The following TMPRSS11D variants were observed in gnomAD, a reference collection of about 807,000 sequenced individuals.
TMPRSS11D encodes the protein transmembrane serine protease 11D, also known as transmembrane protease serine 11D.
A neutral mutation model predicts 44.4 loss-of-function variants in TMPRSS11D; 32 were observed. That is an observed-to-expected ratio of 0.72 (90% confidence interval 0.54 to 0.97). The LOEUF is 0.97. Among genes scored for constraint, TMPRSS11D ranks in the 50% least tolerant of loss-of-function variants. The pLI is 0.00. For synonymous variants in TMPRSS11D, 179 were observed against 177.9 expected (o/e 1.01, Z -0.05); for missense variants, 446 against 502.6 (o/e 0.89, Z 1.08).
intron 2 of TMPRSS11D, 68 bp from the exon 3 acceptor site, chr4:67,854,254 G>A (rs1238649878): frequency 1.0e-5 from 8 of 795,248 alleles, no homozygotes; most frequent in African/African-American, 3.6e-5. Flanking sequence ...ATTTATTCAG[G>A]ATTATGGGAG....
At chr4:67,882,671 C>T (rs952424103) in intron 1 of TMPRSS11D, among the ~76,000 whole-genome samples, 1 of 152,036 alleles carries the variant, frequency 6.6e-6, no homozygotes, top group Non-Finnish European at 1.5e-5. Flanking sequence ...CAGCAAAATA[C>T]ATTTTAAAAT....
chr4:67,880,886 T>G (rs536056791), intron 1 of TMPRSS11D, among the ~76,000 whole-genome samples: 2 of 152,346 alleles, frequency 1.3e-5, no homozygotes, highest in African/African-American at 4.8e-5. Flanking sequence ...AAATGGATAT[T>G]GTAAATATTC....
At chr4:67,875,158 A>C (rs17639111) in intron 1 of TMPRSS11D, among the ~76,000 whole-genome samples, 2,067 of 152,260 alleles carry the variant, frequency 0.014, 17 homozygotes, top group Non-Finnish European at 0.022. Flanking sequence ...CAGAGTTCCA[A>C]GGTCTATGGA....
chr4:67,825,864 A>C lies in TMPRSS11D; in HGVS notation c.963T>G (p.Val321=), dbSNP rs1717779348. Residue 321 remains valine (V), a synonymous_variant, in exon 9 of 10, where the codon GTT becomes GTG. Coordinates refer to ENST00000283916, the MANE Select transcript of TMPRSS11D (RefSeq NM_004262.3). ...WGAQEYAGHT[V]PELRQGQVRI... ...TGACCTGTCCTTGCCTTAGCTCTGG[A>C]ACTGTGTGGCCTGTTTGTTATAAAA... 1 of 1,611,424 alleles carries C rather than the reference A, an allele frequency of 6.2e-7. No homozygotes were observed. Among genetic ancestry groups the C allele is most frequent in the Non-Finnish European group, 8.5e-7 (1 of 1,178,320 alleles).
chr4:67,843,299 A>T (rs2109673868), intron 3 of TMPRSS11D, among the ~76,000 whole-genome samples: 1 of 152,114 alleles, frequency 6.6e-6, no homozygotes, highest in South Asian at 2.1e-4. Context: ...AGGGGAAAAG[A>T]GGTGATGGTT....
chr4:67,822,741 C>T (rs1044844448), intron 9 of TMPRSS11D, among the ~76,000 whole-genome samples: 3 of 152,184 alleles, frequency 2.0e-5, no homozygotes, highest in Admixed American at 6.5e-5. Flanking sequence ...CCTCAGTCAC[C>T]GAGTGGTTGC....
At chr4:67,866,939 A>G (rs1289814603) in intron 1 of TMPRSS11D, among the ~76,000 whole-genome samples, 1 of 152,080 alleles carries the variant, frequency 6.6e-6, no homozygotes, top group African/African-American at 2.4e-5. Flanking sequence ...TTAAATCCCT[A>G]TCACAATACC....
At chr4:67,879,995 T>C (rs962662634) in intron 1 of TMPRSS11D, among the ~76,000 whole-genome samples, 3 of 152,222 alleles carry the variant, frequency 2.0e-5, no homozygotes, top group Non-Finnish European at 2.9e-5. Context: ...TTATTGTATA[T>C]AACATATATA....
At chr4:67,839,214 T>G (rs1718174778) in intron 4 of TMPRSS11D, among the ~76,000 whole-genome samples, 1 of 152,152 alleles carries the variant, frequency 6.6e-6, no homozygotes, top group Non-Finnish European at 1.5e-5. Context: ...CTTCTTGTGC[T>G]AGGCACTATT....
intron 3 of TMPRSS11D, among the ~76,000 whole-genome samples, chr4:67,849,936 T>C (rs1448615172): frequency 6.6e-6 from 1 of 152,200 alleles, no homozygotes; most frequent in African/African-American, 2.4e-5. Flanking sequence ...ATACAAATGA[T>C]TTATAATTTT....
chr4:67,845,198 G>C (rs1718330413), intron 3 of TMPRSS11D, among the ~76,000 whole-genome samples: 1 of 152,106 alleles, frequency 6.6e-6, no homozygotes, highest in South Asian at 2.1e-4. Flanking sequence ...TTGATTAATT[G>C]GTTGATATGC....
intron 3 of TMPRSS11D, among the ~76,000 whole-genome samples, chr4:67,845,941 C>T (rs1429180342): frequency 6.6e-6 from 1 of 152,126 alleles, no homozygotes; most frequent in Non-Finnish European, 1.5e-5. Context: ...TTCATGGCTG[C>T]AATAGAAAGG....
At chr4:67,851,545 C>T (rs983840926) in intron 3 of TMPRSS11D, among the ~76,000 whole-genome samples, 5 of 152,114 alleles carry the variant, frequency 3.3e-5, no homozygotes, top group South Asian at 4.1e-4. Context: ...TCTGAAGCAG[C>T]GTGTCTGGGG....
At chr4:67,829,570 A>G (rs1283126720) in intron 7 of TMPRSS11D, among the ~76,000 whole-genome samples, 1 of 152,022 alleles carries the variant, frequency 6.6e-6, no homozygotes, top group Non-Finnish European at 1.5e-5. Flanking sequence ...TAGATATACC[A>G]TAGACAAGTT....
intron 7 of TMPRSS11D, among the ~76,000 whole-genome samples, chr4:67,831,899 A>C (rs1717954514): frequency 6.6e-6 from 1 of 152,180 alleles, no homozygotes; most frequent in African/African-American, 2.4e-5. Context: ...CTAAAACTTT[A>C]GTTCAGTAAC....
chr4:67,826,498 G>A (rs1168049282), intron 8 of TMPRSS11D, among the ~76,000 whole-genome samples: 1 of 152,118 alleles, frequency 6.6e-6, no homozygotes, highest in Non-Finnish European at 1.5e-5. Flanking sequence ...ACTGGTTCTA[G>A]TAGCTCTTGT....
Position 67,879,278 on chromosome 4 carries a change from G to A in TMPRSS11D, c.8+4648C>T, listed in dbSNP as rs193154169. ...TGGCGGATCACGAGGTCAGGAGATC[G>A]AGACCATCCTGGCTAACACAGTGAA... On this transcript the variant is annotated intron_variant, in intron 1 of 9. Coordinates refer to ENST00000283916, the MANE Select transcript of TMPRSS11D (RefSeq NM_004262.3). Among the ~76,000 whole-genome samples, 461 of 151,940 alleles carry A rather than the reference G, an allele frequency of 3.0e-3. 4 individuals are homozygous for A. Among genetic ancestry groups the A allele is most frequent in the African/African-American group, 0.011 (452 of 41,464 alleles).
chr4:67,859,808 T>TCGTAGA, intron 1 of TMPRSS11D, 130 bp from the exon 2 acceptor site: 1 of 1,266,918 alleles, frequency 7.9e-7, no homozygotes. Context: ...AGAAACATAT[T>TCGTAGA]CGTAGATATG....
intron 1 of TMPRSS11D, among the ~76,000 whole-genome samples, chr4:67,881,069 C>A (rs1216724227): frequency 6.6e-6 from 1 of 152,082 alleles, no homozygotes; most frequent in East Asian, 1.9e-4. Flanking sequence ...AGGAATACTC[C>A]CCAAAACTGT....
Sources: gnomAD v4.1 joint callset for allele counts (sites outside exome capture counted in the v4.1 genomes callset) on GRCh38, gnomAD v4.1.1 for gene constraint, MANE v1.5 for transcripts, NCBI Gene and HGNC (gene_info 2026-07-23, HGNC 2026-07-21) for gene names.